Variants in ZFPM2 observed in about 807,000 individuals in gnomAD.
ZFPM2 encodes the protein zinc finger protein ZFPM2.
In ZFPM2, 20 loss-of-function variants were observed where a neutral mutation model predicts 98.6. The ratio of observed to expected loss-of-function variants is 0.20; its 90% CI spans 0.14 to 0.29. The LOEUF is 0.29. Among genes scored for constraint, ZFPM2 ranks in the 10% least tolerant of loss-of-function variants. The pLI is 1.00. For missense variants in ZFPM2, 1,310 were observed against 1,388.6 expected, an observed-to-expected ratio of 0.94 and a Z score of 0.90; for synonymous variants, 518 against 502.7, an observed-to-expected ratio of 1.03 and a Z score of -0.41.
chr8:105,596,403 A>G (rs1205467869), intron 4 of ZFPM2, among the ~76,000 whole-genome samples: 1 of 152,086 alleles, frequency 6.6e-6, no homozygotes, highest in Non-Finnish European at 1.5e-5. Context: ...CACATTTATA[A>G]TGAAAGTTAC....
chr8:105,734,010 G>A (rs1812011116), intron 5 of ZFPM2, among the ~76,000 whole-genome samples: 1 of 151,848 alleles, frequency 6.6e-6, no homozygotes, highest in Admixed American at 6.6e-5. Context: ...ACATTAGGAA[G>A]GAGCTATGTT....
intron 3 of ZFPM2, among the ~76,000 whole-genome samples, chr8:105,460,414 C>T (rs369844165): frequency 3.3e-5 from 5 of 152,134 alleles, no homozygotes; most frequent in South Asian, 2.1e-4. Flanking sequence ...CTCTTTTGCT[C>T]TGAAAGGCCA....
At chr8:105,642,783 C>T (rs923829665) in intron 5 of ZFPM2, among the ~76,000 whole-genome samples, 30 of 152,174 alleles carry the variant, frequency 2.0e-4, no homozygotes, top group Admixed American at 1.6e-3. Context: ...TGAATTCAGT[C>T]TCATACAGTC....
At chr8:105,362,535 C>T (rs552368738) in intron 1 of ZFPM2, among the ~76,000 whole-genome samples, 34 of 151,336 alleles carry the variant, frequency 2.2e-4, no homozygotes, top group African/African-American at 7.9e-4. Flanking sequence ...TTTATTGCTG[C>T]GTTCTGTTGA....
intron 1 of ZFPM2, among the ~76,000 whole-genome samples, chr8:105,380,676 TTATATATATATTATATATAACA>T (rs1810842082): frequency 7.0e-5 from 1 of 14,188 alleles, no homozygotes; most frequent in Non-Finnish European, 1.2e-4. Context: ...AACATATATA[TTATATATATATTATATATAACA>T]TATATAATAT....
intron 1 of ZFPM2, among the ~76,000 whole-genome samples, chr8:105,333,950 A>G (rs183810044): frequency 2.0e-5 from 3 of 151,764 alleles, no homozygotes; most frequent in Non-Finnish European, 4.4e-5. Flanking sequence ...ATGGTAGCAC[A>G]TAGACTCTTT....
chr8:105,532,239 C>A (rs2130586461), intron 3 of ZFPM2, among the ~76,000 whole-genome samples: 1 of 152,156 alleles, frequency 6.6e-6, no homozygotes, highest in Admixed American at 6.6e-5. Context: ...ATGTTTTATA[C>A]AATGTAATTA....
At chr8:105,774,565 A>T (rs1193326208) in intron 5 of ZFPM2, among the ~76,000 whole-genome samples, 1 of 152,192 alleles carries the variant, frequency 6.6e-6, no homozygotes, top group Non-Finnish European at 1.5e-5. Context: ...TAGTATTTTT[A>T]GTTTTAAAAT....
At chr8:105,775,144 G>C (rs1461327556) in intron 5 of ZFPM2, among the ~76,000 whole-genome samples, 1 of 151,678 alleles carries the variant, frequency 6.6e-6, no homozygotes, top group East Asian at 1.9e-4. Context: ...GGAATAGAGA[G>C]GTTCATTTTC....
At chr8:105,538,219 C>G (rs1814499198) in intron 3 of ZFPM2, among the ~76,000 whole-genome samples, 1 of 152,080 alleles carries the variant, frequency 6.6e-6, no homozygotes, top group Non-Finnish European at 1.5e-5. Flanking sequence ...TTTCCTTAAG[C>G]CTTTGCTTCT....
intron 5 of ZFPM2, among the ~76,000 whole-genome samples, chr8:105,637,921 G>A (rs1816879199): frequency 6.6e-6 from 1 of 151,954 alleles, no homozygotes; most frequent in African/African-American, 2.4e-5. Context: ...TTCAAGTGGT[G>A]GAATTCTAAC....
chr8:105,384,884 A>G (rs1810953172), intron 1 of ZFPM2, among the ~76,000 whole-genome samples: 1 of 152,202 alleles, frequency 6.6e-6, no homozygotes, highest in Non-Finnish European at 1.5e-5. Context: ...TCCATATAAC[A>G]GCAGAAATGA....
rs371953469 is a variant in ZFPM2 at position 105,740,528 on chromosome 8, CAT to C, written c.533-48177_533-48176del. Among the ~76,000 whole-genome samples the C allele has an allele frequency of 3.3e-3, 468 of 143,958 alleles. 2 individuals carry two copies. Among genetic ancestry groups the C allele is most frequent in the African/African-American group, 0.01 (405 of 39,466 alleles). The allele number at this position is 143,958 out of a possible 152,430, so 94.4% of individuals were successfully genotyped here. On this transcript the variant is annotated intron_variant, in intron 5 of 7. Transcript: ENST00000407775. ...ATACTAACATGTATGTGTGTGTATGCATATATATATATATTATATATATATAT... is the reference window on the plus strand; with the variant it reads ...ATACTAACATGTATGTGTGTGTATGCATATATATATATTATATATATATAT...
intron 3 of ZFPM2, among the ~76,000 whole-genome samples, chr8:105,463,690 T>G (rs987132294): frequency 6.6e-6 from 1 of 152,106 alleles, no homozygotes; most frequent in Non-Finnish European, 1.5e-5. Context: ...CCAGGTGGCC[T>G]TGGGTTGCTT....
At chr8:105,581,435 A>C (rs1459026696) in intron 4 of ZFPM2, among the ~76,000 whole-genome samples, 3 of 151,884 alleles carry the variant, frequency 2.0e-5, no homozygotes, top group Non-Finnish European at 2.9e-5. Flanking sequence ...CCCAAAGCTT[A>C]AAGAATAGAA....
chr8:105,504,481 A>T (rs548761283), intron 3 of ZFPM2, among the ~76,000 whole-genome samples: 2 of 152,320 alleles, frequency 1.3e-5, no homozygotes, highest in South Asian at 4.1e-4. Context: ...ATGGCATCAG[A>T]ACTTCAACAG....
intron 3 of ZFPM2, among the ~76,000 whole-genome samples, chr8:105,520,005 A>T (rs1296121971): frequency 1.3e-5 from 2 of 152,284 alleles, no homozygotes; most frequent in African/African-American, 2.4e-5. Context: ...ACTAAAAAAA[A>T]TTGTTTTGAT....
At chr8:105,341,073 T>C (rs995256565) in intron 1 of ZFPM2, among the ~76,000 whole-genome samples, 6 of 151,912 alleles carry the variant, frequency 3.9e-5, no homozygotes, top group African/African-American at 1.4e-4. Context: ...CTGAACCATA[T>C]TACCTTTTGA....
chr8:105,579,270 G>A (rs550681086), intron 4 of ZFPM2, among the ~76,000 whole-genome samples: 8 of 152,002 alleles, frequency 5.3e-5, no homozygotes, highest in East Asian at 3.9e-4. Flanking sequence ...ATTTCTGTTC[G>A]TAATTTGTCA....
Sources: gnomAD v4.1 joint callset for allele counts (sites outside exome capture counted in the v4.1 genomes callset) on GRCh38, gnomAD v4.1.1 for gene constraint, MANE v1.5 for transcripts, NCBI Gene and HGNC (gene_info 2026-07-23, HGNC 2026-07-21) for gene names.